CCKAR: variants seen among roughly 807,000 people sequenced by gnomAD.
CCKAR encodes the protein cholecystokinin receptor type A.
CCKAR carries 21 observed loss-of-function variants against 29.8 expected under a neutral mutation model. The ratio of observed to expected loss-of-function variants is 0.70; its 90% CI spans 0.50 to 1.01. The LOEUF (loss-of-function observed/expected upper bound fraction) is 1.01. Ranked by LOEUF, CCKAR falls within the 50% of genes least tolerant of loss-of-function variation. The pLI is 0.00. For missense variants in CCKAR, 570 were observed against 560.6 expected, an observed-to-expected ratio of 1.02 and a Z score of -0.17; for synonymous variants, 238 against 221.3, an observed-to-expected ratio of 1.08 and a Z score of -0.67.
intron 2 of CCKAR, among the ~76,000 whole-genome samples, chr4:26,487,782 C>T (rs1048483099): frequency 4.6e-5 from 7 of 152,286 alleles, no homozygotes; most frequent in South Asian, 4.1e-4. Context: ...TTTAAAATCT[C>T]GGTTCACATT....
Position 26,485,739 on chromosome 4 carries a change from G to A in CCKAR, c.524C>T (p.Pro175Leu), listed in dbSNP as rs115021107. The A allele has an allele frequency of 9.5e-5, 153 of 1,614,114 alleles. No individual in the cohort carries two copies. The African/African-American group carries it at 1.1e-3, about 12-fold the overall frequency. The stretch of plus-strand genomic sequence containing the variant: ...CACCAAGTTGCTATAAATGGGGTAC[G>A]GAGTCATGATGGTAAAGGAAAGGCA... ...TWCLSFTIMT[P>L]YPIYSNLVPF... is the part of the protein sequence containing the mutation. The change falls in exon 3 of 5, where the codon CCG (proline) becomes CTG (leucine). Residue 175 changes from proline (P) to leucine (L), a missense_variant. By Grantham distance (98) the Pro-to-Leu change is moderately conservative. Coordinates refer to ENST00000295589, the MANE Select transcript of CCKAR (RefSeq NM_000730.3).
chr4:26,490,202 G>A lies in CCKAR; in HGVS notation c.66C>T (p.Leu22=). The A allele has an allele frequency of 6.2e-7, 1 of 1,613,490 alleles. No individual in the cohort carries two copies. The highest frequency in any genetic ancestry group is 8.5e-7 in the Non-Finnish European group (1 of 1,179,872). ...CCAAGCAGAAAAGCGTCTCATTTTC[G>A]AGCCCGAGTTCACAGGGAGGAGTGA... ...SNITPPCELG[L]ENETLFCLDQ... The change falls in exon 1 of 5, where the codon CTC becomes CTT. Residue 22 remains leucine, a synonymous_variant. Transcript: ENST00000295589.
At position 26,481,888 on chromosome 4, in the gene CCKAR, C is replaced by T. The variant is rs774446786; in HGVS notation, c.1037G>A (p.Arg346His). 19 of 1,614,016 alleles carry T rather than the reference C, an allele frequency of 1.2e-5. No homozygotes were observed. Among genetic ancestry groups the T allele is most frequent in the East Asian group, 2.2e-5 (1 of 44,892 alleles). ...GAAGGAAATGGGGGTTCCTGAGAGG[C>T]GGCGCTCTGCGGAGGCGGTGTCGTA... ...RAYDTASAER[R>H]LSGTPISFIL... is the part of the protein sequence containing the mutation. The change falls in exon 5 of 5, where the codon CGC becomes CAC. Residue 346 changes from arginine (R) to histidine (H), a missense_variant. By Grantham distance (29) the Arg-to-His change is conservative. Coordinates refer to ENST00000295589, the MANE Select transcript of CCKAR (RefSeq NM_000730.3).
chr4:26,481,672 T>C lies in CCKAR; in HGVS notation c.1253A>G (p.Tyr418Cys). 1 of 1,614,186 alleles carries C rather than the reference T, an allele frequency of 6.2e-7. No individual in the cohort carries two copies. Among genetic ancestry groups the C allele is most frequent in the Non-Finnish European group, 8.5e-7 (1 of 1,180,030 alleles). Residue 418 changes from tyrosine (Y) to cysteine (C), a missense_variant, in exon 5 of 5, where the codon TAC (tyrosine) becomes TGC (cysteine). Transcript: ENST00000295589. ...TGGCACCGAGGCACTCATATGGCTG[T>C]ACGAGAACCTGGACAGAGAGGCTCC... Reference protein sequence around the residue: ...TTGASLSRFSYSHMSASVPPQ With the variant: ...TTGASLSRFSCSHMSASVPPQ
In CCKAR at chr4:26,482,100, C is replaced by A. The variant is rs1441576670; in HGVS notation, c.825G>T (p.Arg275Ser). 2.5e-6 allele frequency: 4 copies of A among 1,614,060 alleles called. No homozygotes were observed. Among genetic ancestry groups the A allele is most frequent in the Non-Finnish European group, 1.7e-6 (2 of 1,180,048 alleles). ...GCCGGAGCTCCAGCTTCCTCGGGGGCCTGGTCTTTTGCAGGTAACACCCAT... is the reference window on the plus strand; with the variant it reads ...GCCGGAGCTCCAGCTTCCTCGGGGGACTGGTCTTTTGCAGGTAACACCCAT... ...DSDGCYLQKT[R>S]PPRKLELRQL... Residue 275 changes from arginine (R) to serine (S), a missense_variant, in exon 5 of 5, where the codon AGG becomes AGT. Coordinates refer to ENST00000295589, the MANE Select transcript of CCKAR (RefSeq NM_000730.3).
chr4:26,481,977 G>T lies in CCKAR; in HGVS notation c.948C>A (p.Ile316=), dbSNP rs202200466. ...ACAGGAAGAAGAGGACCACGATGAC[G>T]ATGAGCATGCGGATCACCCTTTTCT... The part of the protein sequence containing the change: ...MAKKRVIRML[I]VIVVLFFLCW... Residue 316 remains isoleucine (I), a synonymous_variant, in exon 5 of 5, where the codon ATC becomes ATA. Transcript: ENST00000295589. 19 of 1,614,148 alleles carry T rather than the reference G, an allele frequency of 1.2e-5. No individual in the cohort carries two copies. Among genetic ancestry groups the T allele is most frequent in the African/African-American group, 2.7e-5 (2 of 74,946 alleles).
chr4:26,487,577 G>T (rs1228506044), intron 2 of CCKAR, among the ~76,000 whole-genome samples: 2 of 152,214 alleles, frequency 1.3e-5, no homozygotes, highest in African/African-American at 4.8e-5. Flanking sequence ...ATTAAGAGAA[G>T]AGCCTAAATT....
At chr4:26,485,022 C>T (rs1737420364) in intron 3 of CCKAR, among the ~76,000 whole-genome samples, 1 of 151,262 alleles carries the variant, frequency 6.6e-6, no homozygotes, top group Non-Finnish European at 1.5e-5. Context: ...AGAAACCCCA[C>T]CTCTAATAAA....
chr4:26,489,189 G>T (rs770573001), intron 2 of CCKAR, 44 bp downstream of exon 2: 35 of 1,610,696 alleles, frequency 2.2e-5, no homozygotes, highest in Non-Finnish European at 2.9e-5. Context: ...GGGCTGAGTG[G>T]GGTCTGGGGC....
Position 26,485,826 on chromosome 4 carries a change from G to A in CCKAR, c.437C>T (p.Pro146Leu), listed in dbSNP as rs777302496. The A allele has an allele frequency of 6.2e-7, 1 of 1,613,898 alleles. No homozygotes were observed. The highest frequency in any genetic ancestry group is 1.3e-5 in the African/African-American group (1 of 74,990). ...TGTCTGCCAGACCCGGGACTGTAAG[G>A]GTTTGCAAATCGCACCATATCTCTC... ...SLERYGAICKPLQSRVWQTKS... is the reference protein window; with the variant it reads ...SLERYGAICKLLQSRVWQTKS... The change falls in exon 3 of 5, where the codon CCC (proline) becomes CTC (leucine). Residue 146 changes from proline (P) to leucine (L), a missense_variant. Physicochemically the swap from Pro to Leu is moderately conservative, Grantham distance 98. Transcript: ENST00000295589.
intron 2 of CCKAR, among the ~76,000 whole-genome samples, chr4:26,486,955 T>C (rs761453511): frequency 6.6e-6 from 1 of 152,146 alleles, no homozygotes; most frequent in Non-Finnish European, 1.5e-5. Context: ...TGGTCTTAGA[T>C]GGCCTATGGA....
chr4:26,488,202 A>G (rs1214471926), intron 2 of CCKAR, among the ~76,000 whole-genome samples: 1 of 151,274 alleles, frequency 6.6e-6, no homozygotes, highest in African/African-American at 2.5e-5. Context: ...GGGACTAGGC[A>G]ATCTGGCACC....
chr4:26,485,068 C>T (rs572545027), intron 3 of CCKAR, among the ~76,000 whole-genome samples: 74 of 151,450 alleles, frequency 4.9e-4, no homozygotes, highest in Non-Finnish European at 9.7e-4. Context: ...GTGGTGCATG[C>T]CTGTAATCCC....
chr4:26,490,441 C>T lies in CCKAR; in HGVS notation c.-174G>A, dbSNP rs1300419777. 3.5e-6 allele frequency: 2 copies of T among 566,730 alleles called. No homozygotes were observed. The highest frequency in any genetic ancestry group is 1.9e-5 in the South Asian group (1 of 51,350). The allele number at this position is 566,730 out of a possible 1,614,324, so 35.1% of individuals were successfully genotyped here. On this transcript the variant is annotated 5_prime_UTR_variant, in exon 1 of 5. Transcript: ENST00000295589. ...ATTCCTAAAGGCGACTTGAGTTCACCTCACTCACTCCAGCATTTGTACTCC... is the reference window on the plus strand; with the variant it reads ...ATTCCTAAAGGCGACTTGAGTTCACTTCACTCACTCCAGCATTTGTACTCC...
chr4:26,483,949 T>C (rs779910308), intron 3 of CCKAR, among the ~76,000 whole-genome samples: 1 of 152,246 alleles, frequency 6.6e-6, no homozygotes, highest in Non-Finnish European at 1.5e-5. Flanking sequence ...TTCTGGGTCT[T>C]ACAAAACATG....
chr4:26,483,151 G>A lies in CCKAR; in HGVS notation c.754+5C>T, dbSNP rs1311042738. ...GGCATAAACACACAGCTACAAGATAGTTACCTTTAGCAGACTTCTTCTGGC... is the reference window on the plus strand; with the variant it reads ...GGCATAAACACACAGCTACAAGATAATTACCTTTAGCAGACTTCTTCTGGC... On this transcript the variant is annotated splice_donor_5th_base_variant and intron_variant, in intron 4 of 4. Coordinates refer to ENST00000295589, the MANE Select transcript of CCKAR (RefSeq NM_000730.3). 6 of 1,613,012 alleles carry A rather than the reference G, an allele frequency of 3.7e-6. No individual in the cohort carries two copies. Among genetic ancestry groups the A allele is most frequent in the South Asian group, 3.3e-5 (3 of 90,824 alleles).
Position 26,481,728 on chromosome 4 carries a change from C to A in CCKAR, c.1197G>T (p.Glu399Asp), listed in dbSNP as rs147358942. ...PNPGPPGARG[E>D]VGEEEEGGTT... ...TCCCGCCTTCCTCCTCCTCCCCCAC[C>A]TCTCCCCTCGCCCCTGGGGGACCAG... is the stretch of plus-strand genomic sequence containing the variant. The change falls in exon 5 of 5, where the codon GAG becomes GAT. Residue 399 changes from glutamate (E) to aspartate (D), a missense_variant. Coordinates refer to ENST00000295589, the MANE Select transcript of CCKAR (RefSeq NM_000730.3). 1 of 1,614,094 alleles carries A rather than the reference C, an allele frequency of 6.2e-7. No homozygotes were observed. The highest frequency in any genetic ancestry group is 8.5e-7 in the Non-Finnish European group (1 of 1,180,032).
chr4:26,489,571 A>G, intron 1 of CCKAR, 87 bp from the exon 2 acceptor site: 2 of 1,500,024 alleles, frequency 1.3e-6, no homozygotes, highest in Non-Finnish European at 1.8e-6. Flanking sequence ...ATTCCTGCCG[A>G]TTTTCCCCCC....
At chr4:26,485,479 T>C (rs1737430857) in intron 3 of CCKAR, among the ~76,000 whole-genome samples, 158 bp downstream of exon 3, 1 of 152,212 alleles carries the variant, frequency 6.6e-6, no homozygotes, top group African/African-American at 2.4e-5. Context: ...GCTAAGTGTT[T>C]GCTATCGTGA....
Sources: gnomAD v4.1 joint callset for allele counts (sites outside exome capture counted in the v4.1 genomes callset) on GRCh38, gnomAD v4.1.1 for gene constraint, MANE v1.5 for transcripts, NCBI Gene and HGNC (gene_info 2026-07-23, HGNC 2026-07-21) for gene names.